The following OTOF variants were observed in gnomAD, a reference collection of about 807,000 sequenced individuals.
The protein encoded by OTOF is fer-1-like family member 2.
OTOF carries 218 observed loss-of-function variants against 236.8 expected under a neutral mutation model. The ratio of observed to expected loss-of-function variants is 0.92; its 90% CI spans 0.82 to 1.03. The LOEUF (loss-of-function observed/expected upper bound fraction) is 1.03, where lower values mean the gene tolerates loss of function less well. Ranked by LOEUF, OTOF falls within the 50% of genes least tolerant of loss-of-function variation. The probability of loss-of-function intolerance (pLI) is 0.00; values close to 1 mark genes in which losing one functional copy is unlikely to be tolerated. For synonymous variants in OTOF, 1,041 were observed against 1,072.5 expected (o/e 0.97, Z 0.57); for missense variants, 2,590 against 2,694.4 (o/e 0.96, Z 0.86).
In OTOF at chr2:26,495,437, A is replaced by AT. The variant is rs554168954; in HGVS notation, c.766-365dup. On this transcript the variant is annotated intron_variant, in intron 8 of 46. Coordinates refer to ENST00000272371, the MANE Select transcript of OTOF (RefSeq NM_194248.3). ...ATGCAGCTCAGGCATCTGTATTTTT[A>AT]TTTTTTTGATGGAGTCTTACTCTGT... Among the ~76,000 whole-genome samples, 861 of 152,080 alleles carry AT rather than the reference A, an allele frequency of 5.7e-3. 5 individuals carry two copies. The highest frequency in any genetic ancestry group is 0.01 in the Middle Eastern group (3 of 294).
At position 26,460,433 on chromosome 2, in the gene OTOF, T is replaced by C. The variant is rs568827626; in HGVS notation, c.5813+214A>G. Among the ~76,000 whole-genome samples, 1 of 152,342 alleles carries C rather than the reference T, an allele frequency of 6.6e-6. No individual in the cohort carries two copies. The highest frequency in any genetic ancestry group is 2.4e-5 in the African/African-American group (1 of 41,586). On this transcript the variant is annotated intron_variant, in intron 45 of 46. Coordinates refer to ENST00000272371, the MANE Select transcript of OTOF (RefSeq NM_194248.3). The surrounding 1 kb of genome is among the most constrained non-coding windows in gnomAD (Gnocchi z 5.3). Reference sequence around the variant, plus strand: ...AGTTTCTCTCCGCTAGATGGGGCCTTTCCCAGGGAAGGTCCTGCTCTCCAG... The same window carrying C: ...AGTTTCTCTCCGCTAGATGGGGCCTCTCCCAGGGAAGGTCCTGCTCTCCAG...
intron 3 of OTOF, among the ~76,000 whole-genome samples, chr2:26,525,866 C>T (rs1392073679): frequency 6.6e-6 from 1 of 151,956 alleles, no homozygotes; most frequent in Non-Finnish European, 1.5e-5. Flanking sequence ...GAGGGTAGAT[C>T]ACTTGAGGTC....
At chr2:26,458,692 C>T (rs1458678376) in intron 46 of OTOF, among the ~76,000 whole-genome samples, 2 of 152,220 alleles carry the variant, frequency 1.3e-5, no homozygotes, top group Non-Finnish European at 2.9e-5. Flanking sequence ...GGATGAAGAC[C>T]CACTCCACCT....
At chr2:26,487,102 C>A (rs1364121069) in intron 11 of OTOF, among the ~76,000 whole-genome samples, 1 of 152,122 alleles carries the variant, frequency 6.6e-6, no homozygotes, top group Non-Finnish European at 1.5e-5. Context: ...GTACAAATGA[C>A]AAAATGTGGT....
chr2:26,557,930 C>G (rs1026020262), intron 1 of OTOF, among the ~76,000 whole-genome samples: 9 of 151,832 alleles, frequency 5.9e-5, no homozygotes, highest in Non-Finnish European at 1.2e-4. Context: ...TCGCTGAATA[C>G]AGGAGTGAAA....
chr2:26,458,180 TGAG>T lies in OTOF; in HGVS notation c.*55_*57del, dbSNP rs757805310. On this transcript the variant is annotated 3_prime_UTR_variant, in exon 47 of 47. Coordinates refer to ENST00000272371, the MANE Select transcript of OTOF (RefSeq NM_194248.3). ...GTGCAGATGAGGTACTTGATGGACT[TGAG>T]AGGGTTGAGGAACCAGACGAAGGCC... The T allele has an allele frequency of 6.2e-7, 1 of 1,611,928 alleles. No homozygotes were observed. Among genetic ancestry groups the T allele is most frequent in the Non-Finnish European group, 8.5e-7 (1 of 1,179,008 alleles).
At chr2:26,501,078 C>T in intron 8 of OTOF, among the ~76,000 whole-genome samples, 1 of 152,182 alleles carries the variant, frequency 6.6e-6, no homozygotes, top group East Asian at 1.9e-4. Context: ...AAGGGAGGGT[C>T]TGGAGCAATG....
chr2:26,544,617 G>A (rs1667286178), intron 1 of OTOF, among the ~76,000 whole-genome samples: 1 of 152,108 alleles, frequency 6.6e-6, no homozygotes, highest in African/African-American at 2.4e-5. Context: ...TTCTAGGGTT[G>A]GGCTATATGA....
intron 1 of OTOF, among the ~76,000 whole-genome samples, chr2:26,546,232 T>A (rs13413926): frequency 0.25 from 38,309 of 151,842 alleles, 6,730 homozygotes; most frequent in African/African-American, 0.5. Flanking sequence ...AGGCCGAGGC[T>A]GGTGGATCAC....
At position 26,483,656 on chromosome 2, in the gene OTOF, C is replaced by G. The variant is rs747782613; in HGVS notation, c.1206-8G>C. On this transcript the variant is annotated splice_polypyrimidine_tract_variant and splice_region_variant and intron_variant, in intron 12 of 46. Coordinates refer to ENST00000272371, the MANE Select transcript of OTOF (RefSeq NM_194248.3). ...TCGGGGAGCAGCAAGTTCCTGCCAG[C>G]ACATACAGCCAGGGCCATGGTCACC... 1 of 1,611,240 alleles carries G rather than the reference C, an allele frequency of 6.2e-7. No homozygotes were observed. The highest frequency in any genetic ancestry group is 8.5e-7 in the Non-Finnish European group (1 of 1,179,592).
At chr2:26,485,763 G>T (rs938007868) in intron 11 of OTOF, among the ~76,000 whole-genome samples, 3 of 152,232 alleles carry the variant, frequency 2.0e-5, no homozygotes, top group African/African-American at 7.2e-5. Context: ...AGATGTTAGG[G>T]GCTGTGTACA....
At chr2:26,500,119 C>T (rs1666081078) in intron 8 of OTOF, among the ~76,000 whole-genome samples, 1 of 152,180 alleles carries the variant, frequency 6.6e-6, no homozygotes, top group African/African-American at 2.4e-5. Context: ...ATAGAGAAGT[C>T]AATTGCTCTT....
Position 26,472,621 on chromosome 2 carries a change from C to A in OTOF, c.3762G>T (p.Leu1254=). ...TVRLLRRCRV[L]CNGGSSSHST... ...AGTGAGAGGAGGAGCCCCCATTGCA[C>A]AGCACACGGCAGCGCCGGAGAAGCC... The change falls in exon 30 of 47, where the codon CTG becomes CTT. Residue 1254 remains leucine (L), a synonymous_variant. Transcript: ENST00000272371. 6.2e-7 allele frequency: 1 copy of A among 1,613,298 alleles called. No individual in the cohort carries two copies. Among genetic ancestry groups the A allele is most frequent in the Non-Finnish European group, 8.5e-7 (1 of 1,179,984 alleles).
intron 10 of OTOF, 116 bp downstream of exon 10, chr2:26,489,562 C>G: frequency 1.1e-6 from 1 of 882,766 alleles, no homozygotes; most frequent in Non-Finnish European, 1.9e-6. Flanking sequence ...GCCGTGTGTC[C>G]AGGCACGGCG....
chr2:26,525,468 C>T (rs1283614882), intron 3 of OTOF, among the ~76,000 whole-genome samples: 2 of 152,238 alleles, frequency 1.3e-5, no homozygotes, highest in African/African-American at 4.8e-5. Flanking sequence ...TTCCAGCAGC[C>T]TGTTCCTCAT....
chr2:26,459,445 A>G (rs1045272980), intron 46 of OTOF, among the ~76,000 whole-genome samples: 198 of 151,540 alleles, frequency 1.3e-3, no homozygotes, highest in Non-Finnish European at 2.1e-3. Flanking sequence ...CCAGCTACTC[A>G]GGAGGCTGAG....
At chr2:26,518,855 C>A in intron 4 of OTOF, among the ~76,000 whole-genome samples, 155 bp downstream of exon 4, 1 of 152,256 alleles carries the variant, frequency 6.6e-6, no homozygotes, top group East Asian at 1.9e-4. Context: ...CAGATTGAGC[C>A]ATTCCAGCAG....
At chr2:26,556,439 A>T (rs2148141402) in intron 1 of OTOF, among the ~76,000 whole-genome samples, 1 of 152,310 alleles carries the variant, frequency 6.6e-6, no homozygotes, top group South Asian at 2.1e-4. Context: ...ACTGCTTGTC[A>T]TCTGCCTATT....
At chr2:26,533,632 C>T (rs1667001566) in intron 2 of OTOF, among the ~76,000 whole-genome samples, 1 of 152,010 alleles carries the variant, frequency 6.6e-6, no homozygotes, top group African/African-American at 2.4e-5. Context: ...ATCTAAAGTC[C>T]CTTTAGGTGA....
Sources: gnomAD v4.1 joint callset for allele counts (sites outside exome capture counted in the v4.1 genomes callset) on GRCh38, gnomAD v4.1.1 for gene constraint, Gnocchi (gnomAD v3.1) non-coding constraint, MANE v1.5 for transcripts, NCBI Gene and HGNC (gene_info 2026-07-23, HGNC 2026-07-21) for gene names.